MIPOL1: variants seen among roughly 807,000 people sequenced by gnomAD.
MIPOL1 encodes the protein mirror-image polydactyly gene 1 protein.
In MIPOL1, 57 loss-of-function variants were observed where a neutral mutation model predicts 60.9. That is an observed-to-expected ratio of 0.94 (90% confidence interval 0.76 to 1.17). MIPOL1 has a LOEUF of 1.17. MIPOL1 is among the 50% of genes most tolerant of loss of function. The probability of loss-of-function intolerance (pLI) is 0.00; values close to 1 mark genes in which losing one functional copy is unlikely to be tolerated. For synonymous variants in MIPOL1, 179 were observed against 168.8 expected (o/e 1.06, Z -0.47); for missense variants, 551 against 511.6 (o/e 1.08, Z -0.74).
At chr14:37,312,150 C>G (rs1210721875) in intron 9 of MIPOL1, among the ~76,000 whole-genome samples, 1 of 152,118 alleles carries the variant, frequency 6.6e-6, no homozygotes, top group Admixed American at 6.6e-5. Context: ...CTCTGTCACC[C>G]AAGCTGGAGT....
intron 11 of MIPOL1, among the ~76,000 whole-genome samples, chr14:37,441,291 T>C (rs542532682): frequency 6.6e-6 from 1 of 152,330 alleles, no homozygotes; most frequent in Non-Finnish European, 1.5e-5. Context: ...TTTTGAGATC[T>C]TAGTCATGAA....
intron 11 of MIPOL1, among the ~76,000 whole-genome samples, chr14:37,494,685 G>A (rs905240005): frequency 1.3e-5 from 2 of 152,078 alleles, no homozygotes; most frequent in African/African-American, 4.8e-5. Flanking sequence ...ATTTGTATCA[G>A]TAAAAAAAGG....
At chr14:37,379,629 C>G (rs1428831933) in intron 10 of MIPOL1, among the ~76,000 whole-genome samples, 1 of 151,806 alleles carries the variant, frequency 6.6e-6, no homozygotes, top group South Asian at 2.1e-4. Flanking sequence ...GGCAAGTAAC[C>G]CAATTCAAAA....
Position 37,356,997 on chromosome 14 carries a change from T to A in MIPOL1, c.829-12520T>A, listed in dbSNP as rs113129779. ...GTGTATACATGTGCCACATTTTCTT[T>A]ATCCAGTGATCTGTTGAACACTTAG... On this transcript the variant is annotated intron_variant, in intron 9 of 12. Transcript: ENST00000684589. Among the ~76,000 whole-genome samples, 254 of 152,324 alleles carry A rather than the reference T, an allele frequency of 1.7e-3. 1 individual carries two copies. Among genetic ancestry groups the A allele is most frequent in the African/African-American group, 5.8e-3 (240 of 41,572 alleles).
At chr14:37,231,727 TCAG>T (rs1219601328) in intron 1 of MIPOL1, among the ~76,000 whole-genome samples, 4 of 151,994 alleles carry the variant, frequency 2.6e-5, no homozygotes, top group Non-Finnish European at 5.9e-5. Context: ...TTTGGAACAA[TCAG>T]TAAAGGTTAA....
intron 9 of MIPOL1, among the ~76,000 whole-genome samples, chr14:37,357,586 C>A (rs561820134): frequency 3.9e-5 from 6 of 152,198 alleles, no homozygotes; most frequent in Non-Finnish European, 8.8e-5. Flanking sequence ...ATTATTTGGT[C>A]TTTTTAAAAA....
In MIPOL1 at chr14:37,467,842, T is replaced by C. The variant is rs2094620669; in HGVS notation, c.1032-32066T>C. Among the ~76,000 whole-genome samples the C allele has an allele frequency of 3.3e-5, 5 of 151,882 alleles. No individual in the cohort carries two copies. In the South Asian group the frequency reaches 1.0e-3, roughly 32 times the overall value. On this transcript the variant is annotated intron_variant, in intron 11 of 12. Transcript: ENST00000684589. ...GGCTGAGGTGGCGGATCACCTGAGG[T>C]CAGGAGTTGAAGACCAGCCTGGCCA... is the stretch of plus-strand genomic sequence containing the variant.
rs3985271 is a variant in MIPOL1, at chr14:37,442,088, T to TTGTGTG, written c.1031+19177_1031+19182dup. ...AAAGTTTCATTCTCTTTCTACTTTG[T>TTGTGTG]TGTGTGTGTGTGTGTGTGTGTGTGT... is the stretch of plus-strand genomic sequence containing the variant. On this transcript the variant is annotated intron_variant, in intron 11 of 12. Coordinates refer to ENST00000684589, the MANE Select transcript of MIPOL1 (RefSeq NM_001388067.1). Among the ~76,000 whole-genome samples the TTGTGTG allele has an allele frequency of 3.4e-3, 485 of 143,808 alleles. 4 individuals carry two copies. Among genetic ancestry groups the TTGTGTG allele is most frequent in the Middle Eastern group, 0.011 (3 of 284 alleles). The allele number at this position is 143,808 out of a possible 152,430, so 94.3% of individuals were successfully genotyped here.
chr14:37,495,280 C>G (rs1207019220), intron 11 of MIPOL1, among the ~76,000 whole-genome samples: 1 of 104,492 alleles, frequency 9.6e-6, no homozygotes, highest in Non-Finnish European at 1.9e-5. Flanking sequence ...TCCCTCCCCC[C>G]TCCCCCCACC....
At chr14:37,357,043 A>G (rs538911229) in intron 9 of MIPOL1, among the ~76,000 whole-genome samples, 1 of 152,280 alleles carries the variant, frequency 6.6e-6, no homozygotes, top group East Asian at 1.9e-4. Context: ...AATATTGGCT[A>G]TTGTGAACAG....
At chr14:37,531,441 A>G (rs1044928893) in intron 12 of MIPOL1, among the ~76,000 whole-genome samples, 2 of 152,150 alleles carry the variant, frequency 1.3e-5, no homozygotes, top group Non-Finnish European at 2.9e-5. Flanking sequence ...ATCCTATTCT[A>G]TGAAATAATA....
intron 11 of MIPOL1, among the ~76,000 whole-genome samples, chr14:37,476,640 A>G (rs944342593): frequency 1.6e-4 from 24 of 152,108 alleles, no homozygotes; most frequent in African/African-American, 5.1e-4. Flanking sequence ...TTTATCATGA[A>G]TGAGCATTGG....
At chr14:37,540,323 A>T (rs558933923) in intron 12 of MIPOL1, among the ~76,000 whole-genome samples, 2 of 152,002 alleles carry the variant, frequency 1.3e-5, no homozygotes, top group African/African-American at 4.8e-5. Context: ...CCTTTCTCTT[A>T]TCAATTTCAT....
intron 9 of MIPOL1, among the ~76,000 whole-genome samples, chr14:37,361,027 C>G (rs1229101869): frequency 6.6e-6 from 1 of 152,176 alleles, no homozygotes; most frequent in African/African-American, 2.4e-5. Flanking sequence ...TATCTTTGTT[C>G]TCACTGGTTT....
chr14:37,481,560 A>AAC (rs3062719), intron 11 of MIPOL1, among the ~76,000 whole-genome samples: 11,893 of 112,924 alleles, frequency 0.11, 741 homozygotes, highest in African/African-American at 0.13. Context: ...GACCCCCCCC[A>AAC]ACACACACAC....
At chr14:37,447,825 G>A (rs1262174020) in intron 11 of MIPOL1, among the ~76,000 whole-genome samples, 1 of 151,976 alleles carries the variant, frequency 6.6e-6, no homozygotes, top group Admixed American at 6.6e-5. Flanking sequence ...TAATATAGAT[G>A]TAACGTGACT....
chr14:37,308,102 C>G lies in MIPOL1; in HGVS notation c.657+13C>G. On this transcript the variant is annotated intron_variant, in intron 8 of 12. Transcript: ENST00000684589. ...AGAAAATGACATGGTAAGCCATTCT[C>G]TGAGGAGATTTCTTGATGTCAGTCT... 1 of 1,607,402 alleles carries G rather than the reference C, an allele frequency of 6.2e-7. No homozygotes were observed. The highest frequency in any genetic ancestry group is 1.1e-5 in the South Asian group (1 of 90,292).
intron 11 of MIPOL1, among the ~76,000 whole-genome samples, chr14:37,488,619 T>C (rs1341717722): frequency 2.0e-5 from 3 of 152,184 alleles, no homozygotes; most frequent in Non-Finnish European, 4.4e-5. Context: ...GGAGCTCTTG[T>C]GAGGCACACC....
rs1220331665 is a variant in MIPOL1, at chr14:37,549,090, C to G, written c.*2119C>G. The stretch of plus-strand genomic sequence containing the variant: ...GTCCATCAACAGTGTGTCAGATGGT[C>G]TTTATATATTTTTTCTGTATGAAGG... On this transcript the variant is annotated 3_prime_UTR_variant, in exon 13 of 13. Coordinates refer to ENST00000684589, the MANE Select transcript of MIPOL1 (RefSeq NM_001388067.1). The G allele has an allele frequency of 6.6e-6, 1 of 151,810 alleles. No individual in the cohort carries two copies. Among genetic ancestry groups the G allele is most frequent in the African/African-American group, 2.4e-5 (1 of 41,402 alleles). The allele number at this position is 151,810 out of a possible 1,614,324, so 9.4% of individuals were successfully genotyped here.
Sources: gnomAD v4.1 joint callset for allele counts (sites outside exome capture counted in the v4.1 genomes callset) on GRCh38, gnomAD v4.1.1 for gene constraint, MANE v1.5 for transcripts, NCBI Gene and HGNC (gene_info 2026-07-23, HGNC 2026-07-21) for gene names.